The following ACER3 variants were observed in gnomAD, a reference collection of about 807,000 sequenced individuals.
The protein encoded by ACER3 is alkCDase 3.
Under a neutral mutation model 48.9 loss-of-function variants are expected in ACER3, and 16 were observed. The ratio of observed to expected loss-of-function variants is 0.33; its 90% confidence interval spans 0.22 to 0.50. The LOEUF (loss-of-function observed/expected upper bound fraction) is 0.50, where lower values mean the gene tolerates loss of function less well. ACER3 is among the 20% of genes least tolerant of loss of function. ACER3 has a pLI of 0.98. For synonymous variants in ACER3, 109 were observed against 107.8 expected, an observed-to-expected ratio of 1.01 and a Z score of -0.07; for missense variants, 227 against 326.0, an observed-to-expected ratio of 0.70 and a Z score of 2.34.
chr11:76,989,556 A>C (rs1948756551), intron 5 of ACER3, among the ~76,000 whole-genome samples: 1 of 152,170 alleles, frequency 6.6e-6, no homozygotes, highest in African/African-American at 2.4e-5. Context: ...ATAAGTAATG[A>C]ATAGAGGAGG....
intron 6 of ACER3, among the ~76,000 whole-genome samples, chr11:76,997,592 T>G (rs1347361313): frequency 6.6e-6 from 1 of 152,176 alleles, no homozygotes; most frequent in Non-Finnish European, 1.5e-5. Context: ...CCAGAGCTAT[T>G]CATATACATA....
intron 6 of ACER3, among the ~76,000 whole-genome samples, chr11:76,991,534 G>A (rs1215198010): frequency 3.3e-5 from 5 of 151,434 alleles, no homozygotes; most frequent in South Asian, 2.1e-4. Context: ...ACATCCTCAC[G>A]GCCGGGCGTG....
chr11:77,014,581 C>A (rs1309908599), intron 7 of ACER3, among the ~76,000 whole-genome samples: 1 of 152,170 alleles, frequency 6.6e-6, no homozygotes, highest in Admixed American at 6.5e-5. Context: ...CCACTATCAC[C>A]CTGCCTTTTC....
intron 1 of ACER3, among the ~76,000 whole-genome samples, chr11:76,904,460 C>T (rs1380051004): frequency 2.6e-5 from 4 of 152,126 alleles, no homozygotes; most frequent in Admixed American, 2.6e-4. Context: ...TGGACTGAAC[C>T]AATGTGTACC....
intron 7 of ACER3, among the ~76,000 whole-genome samples, chr11:77,013,885 A>G (rs1443746290): frequency 2.6e-5 from 4 of 152,218 alleles, no homozygotes; most frequent in Non-Finnish European, 4.4e-5. Flanking sequence ...ACTCAACAAT[A>G]AAGGGAAATG....
chr11:77,004,434 C>A (rs1949092985), intron 7 of ACER3, among the ~76,000 whole-genome samples: 2 of 152,200 alleles, frequency 1.3e-5, no homozygotes, highest in Admixed American at 6.5e-5. Context: ...CTATTTAATG[C>A]TCAATGGTAT....
intron 2 of ACER3, among the ~76,000 whole-genome samples, chr11:76,952,421 G>A (rs1031761713): frequency 1.3e-5 from 2 of 151,456 alleles, no homozygotes; most frequent in East Asian, 3.9e-4. Context: ...CACGACGCCC[G>A]GCTAATTTTT....
intron 5 of ACER3, among the ~76,000 whole-genome samples, chr11:76,987,060 C>T (rs149501523): frequency 0.026 from 3,980 of 151,844 alleles, 94 homozygotes; most frequent in African/African-American, 0.06. Flanking sequence ...AGTGAGACTC[C>T]GTCTCAAAAA....
chr11:76,921,454 T>C (rs1398603254), intron 1 of ACER3, among the ~76,000 whole-genome samples: 1 of 152,244 alleles, frequency 6.6e-6, no homozygotes, highest in African/African-American at 2.4e-5. Context: ...ATGCAGTTGA[T>C]CCAGTATCTG....
rs61893662 is a variant in ACER3 at position 76,888,142 on chromosome 11, G to A, written c.103+27063G>A. Among the ~76,000 whole-genome samples the A allele has an allele frequency of 5.4e-3, 828 of 152,164 alleles. 4 individuals are homozygous for A. Among genetic ancestry groups the A allele is most frequent in the Non-Finnish European group, 8.0e-3 (542 of 67,996 alleles). Reference sequence around the variant, plus strand: ...CCCTCTGTTAGGAGAGCCTTTTTAGGTTATATGTATGGTAAGCATGCTGTA... The same window carrying A: ...CCCTCTGTTAGGAGAGCCTTTTTAGATTATATGTATGGTAAGCATGCTGTA... On this transcript the variant is annotated intron_variant, in intron 1 of 10. Coordinates refer to ENST00000532485, the MANE Select transcript of ACER3 (RefSeq NM_018367.7).
chr11:77,019,438 G>A, intron 9 of ACER3: 1 of 241,534 alleles, frequency 4.1e-6, no homozygotes, highest in Non-Finnish European at 8.1e-6. Context: ...CAGCCTGGGT[G>A]ACAGAGCAAG....
chr11:76,986,127 T>C (rs1352758557), intron 5 of ACER3, among the ~76,000 whole-genome samples: 4 of 152,236 alleles, frequency 2.6e-5, no homozygotes, highest in Admixed American at 2.6e-4. Context: ...CACTTCTAAT[T>C]CTACATTAAT....
At chr11:76,911,902 A>G (rs763990026) in intron 1 of ACER3, among the ~76,000 whole-genome samples, 7 of 152,200 alleles carry the variant, frequency 4.6e-5, no homozygotes, top group Non-Finnish European at 8.8e-5. Flanking sequence ...GCCTACCCCA[A>G]TAGAGGCTAA....
chr11:76,982,298 C>T (rs1948601558), intron 4 of ACER3, among the ~76,000 whole-genome samples: 2 of 150,556 alleles, frequency 1.3e-5, no homozygotes, highest in Admixed American at 1.3e-4. Context: ...CTCACTGCAA[C>T]CTCTGCCTCC....
intron 6 of ACER3, among the ~76,000 whole-genome samples, chr11:76,995,388 A>G (rs964631422): frequency 1.3e-5 from 2 of 151,972 alleles, no homozygotes; most frequent in Non-Finnish European, 2.9e-5. Context: ...TTACCTAACA[A>G]CTCTGTCTAA....
intron 8 of ACER3, among the ~76,000 whole-genome samples, chr11:77,015,976 G>A (rs911501931): frequency 5.3e-5 from 8 of 151,984 alleles, no homozygotes; most frequent in Non-Finnish European, 7.4e-5. Flanking sequence ...GCCTGGTGAC[G>A]TGTGCCTGTA....
intron 4 of ACER3, among the ~76,000 whole-genome samples, chr11:76,977,965 T>G (rs1948486901): frequency 6.6e-6 from 1 of 152,204 alleles, no homozygotes; most frequent in Non-Finnish European, 1.5e-5. Context: ...TGGCCAGGTG[T>G]GCATGTGCTT....
chr11:76,993,779 T>A (rs1214352135), intron 6 of ACER3, among the ~76,000 whole-genome samples: 1 of 152,162 alleles, frequency 6.6e-6, no homozygotes, highest in Non-Finnish European at 1.5e-5. Flanking sequence ...ACAACCTAGA[T>A]CCCTTATATG....
chr11:77,009,355 C>G (rs1949215389), intron 7 of ACER3, among the ~76,000 whole-genome samples: 1 of 152,158 alleles, frequency 6.6e-6, no homozygotes, highest in Non-Finnish European at 1.5e-5. Flanking sequence ...TCACTCACTA[C>G]CGCAAGGACA....
Sources: allele counts gnomAD v4.1 joint callset (sites outside exome capture counted in the v4.1 genomes callset), GRCh38; gene constraint gnomAD v4.1.1; transcripts MANE v1.5; gene names NCBI Gene and HGNC (gene_info 2026-07-23, HGNC 2026-07-21).